Variants in RNGTT observed in about 807,000 individuals in gnomAD.
RNGTT encodes the protein RNA guanylyltransferase and 5'-phosphatase, also known as mRNA-capping enzyme.
RNGTT carries 33 observed loss-of-function variants against 79.3 expected under a neutral mutation model. That is an observed-to-expected ratio of 0.42 (90% CI 0.32 to 0.56). The LOEUF is 0.56. RNGTT is among the 20% of genes least tolerant of loss of function. The pLI is 0.17. For synonymous variants in RNGTT, 222 were observed against 235.9 expected, an observed-to-expected ratio of 0.94 and a Z score of 0.54; for missense variants, 497 against 739.1, an observed-to-expected ratio of 0.67 and a Z score of 3.80.
At chr6:88,627,816 G>T (rs896692846) in intron 14 of RNGTT, among the ~76,000 whole-genome samples, 1 of 152,060 alleles carries the variant, frequency 6.6e-6, no homozygotes, top group Non-Finnish European at 1.5e-5. Context: ...TTCTCGTGGT[G>T]ATCTGGACTC....
intron 9 of RNGTT, among the ~76,000 whole-genome samples, chr6:88,852,474 A>G (rs1222984933): frequency 6.6e-6 from 1 of 152,116 alleles, no homozygotes; most frequent in African/African-American, 2.4e-5. Flanking sequence ...AATGACTATG[A>G]CTTTTATGTA....
chr6:88,694,096 G>A (rs954103741), intron 13 of RNGTT, among the ~76,000 whole-genome samples: 2 of 152,142 alleles, frequency 1.3e-5, no homozygotes, highest in Non-Finnish European at 2.9e-5. Flanking sequence ...GGAAGTCCTT[G>A]CTGGAGCAAG....
intron 12 of RNGTT, among the ~76,000 whole-genome samples, chr6:88,798,186 C>T (rs2180194): frequency 0.13 from 19,511 of 151,874 alleles, 1,429 homozygotes; most frequent in Middle Eastern, 0.23. Context: ...AAAAATTGGC[C>T]GGGTACAGTG....
intron 1 of RNGTT, among the ~76,000 whole-genome samples, chr6:88,950,942 T>C (rs1785225519): frequency 6.6e-6 from 1 of 151,614 alleles, no homozygotes; most frequent in South Asian, 2.1e-4. Context: ...CACTGCAATC[T>C]CCATCTCCCG....
chr6:88,878,411 A>C (rs1782589238), intron 8 of RNGTT, among the ~76,000 whole-genome samples: 1 of 152,002 alleles, frequency 6.6e-6, no homozygotes, highest in Admixed American at 6.6e-5. Flanking sequence ...CCTAATTATA[A>C]AAGCCCAAGT....
rs1782280235 is a variant in RNGTT, at chr6:88,869,241, A to G, written c.897-15477T>C. On this transcript the variant is annotated intron_variant, in intron 8 of 15. Coordinates refer to ENST00000369485, the MANE Select transcript of RNGTT (RefSeq NM_003800.5). The stretch of plus-strand genomic sequence containing the variant: ...AAACATAAAATTAGATCAAGTTAGG[A>G]AAAATTTTAAAGCTCACTGTCATGC... Among the ~76,000 whole-genome samples the G allele has an allele frequency of 2.0e-5, 3 of 152,348 alleles. No homozygotes were observed. The South Asian group carries it at 6.2e-4, about 32-fold the overall frequency.
intron 4 of RNGTT, among the ~76,000 whole-genome samples, chr6:88,921,601 T>A (rs1050246043): frequency 2.0e-5 from 3 of 152,174 alleles, no homozygotes. Flanking sequence ...TCTCAAATTT[T>A]TTTTTTATTA....
chr6:88,644,686 G>C (rs1184110286), intron 14 of RNGTT, among the ~76,000 whole-genome samples: 1 of 152,194 alleles, frequency 6.6e-6, no homozygotes, highest in Non-Finnish European at 1.5e-5. Context: ...TGGGATGCAA[G>C]GCTGGTTCAA....
intron 8 of RNGTT, among the ~76,000 whole-genome samples, chr6:88,873,627 A>G (rs1266899647): frequency 6.6e-6 from 1 of 152,150 alleles, no homozygotes; most frequent in African/African-American, 2.4e-5. Flanking sequence ...GTAAGCAGCA[A>G]CCATCTCTAA....
At chr6:88,747,143 A>G (rs1264699103) in intron 13 of RNGTT, among the ~76,000 whole-genome samples, 2 of 152,236 alleles carry the variant, frequency 1.3e-5, no homozygotes, top group Non-Finnish European at 2.9e-5. Flanking sequence ...TTTGCCTGGC[A>G]AAATAGTAAT....
intron 11 of RNGTT, among the ~76,000 whole-genome samples, chr6:88,830,836 A>G (rs1407104109): frequency 3.3e-5 from 5 of 152,252 alleles, no homozygotes; most frequent in Admixed American, 1.3e-4. Flanking sequence ...TAGAAAATCT[A>G]GAAGAAATGG....
chr6:88,713,823 TG>T (rs1389647383), intron 13 of RNGTT, among the ~76,000 whole-genome samples: 2 of 152,226 alleles, frequency 1.3e-5, no homozygotes, highest in Non-Finnish European at 2.9e-5. Context: ...ACATTCTTGA[TG>T]CATCAGACTG....
At chr6:88,823,822 A>C (rs984968284) in intron 11 of RNGTT, among the ~76,000 whole-genome samples, 4 of 152,226 alleles carry the variant, frequency 2.6e-5, no homozygotes, top group Non-Finnish European at 5.9e-5. Flanking sequence ...GATCAGGCTA[A>C]CAAAAGAGTT....
chr6:88,723,811 G>A (rs954621044), intron 13 of RNGTT, among the ~76,000 whole-genome samples: 7 of 152,046 alleles, frequency 4.6e-5, no homozygotes, highest in African/African-American at 7.2e-5. Flanking sequence ...TGCAACCTCC[G>A]CCTCCCAGGT....
intron 13 of RNGTT, among the ~76,000 whole-genome samples, chr6:88,729,044 G>T (rs1461641786): frequency 1.3e-5 from 2 of 152,096 alleles, no homozygotes; most frequent in Non-Finnish European, 2.9e-5. Context: ...GGATTCTACC[G>T]CCTGGAGTAA....
At position 88,677,420 on chromosome 6, in the gene RNGTT, A is replaced by G. The variant is rs186239005; in HGVS notation, c.1506+933T>C. Among the ~76,000 whole-genome samples the G allele has an allele frequency of 9.7e-4, 147 of 152,258 alleles. 1 individual carries two copies. The highest frequency in any genetic ancestry group is 9.1e-3 in the Admixed American group (139 of 15,288). The stretch of plus-strand genomic sequence containing the variant: ...ACTACAAGCATGTCATAATTTATCA[A>G]ATTGTACAGTTTATTGTTCTTCAAT... On this transcript the variant is annotated intron_variant, in intron 14 of 15. Coordinates refer to ENST00000369485, the MANE Select transcript of RNGTT (RefSeq NM_003800.5).
intron 13 of RNGTT, among the ~76,000 whole-genome samples, chr6:88,690,851 T>C (rs1775452653): frequency 1.3e-5 from 2 of 152,176 alleles, no homozygotes; most frequent in Admixed American, 1.3e-4. Flanking sequence ...GCAATTCCAA[T>C]TTTGTGTGAA....
rs1166135719 is a variant in RNGTT, at chr6:88,698,163, A to C, written c.1440-19744T>G. ...TATATATATGAAATACATATGATATATATGACATATATATGATATATATAT... is the reference window on the plus strand; with the variant it reads ...TATATATATGAAATACATATGATATCTATGACATATATATGATATATATAT... On this transcript the variant is annotated intron_variant, in intron 13 of 15. Transcript: ENST00000369485. 3.4e-5 allele frequency among the ~76,000 whole-genome samples: 3 copies of C among 88,140 alleles called. 1 individual carries two copies. The East Asian group carries it at 7.2e-4, about 21-fold the overall frequency. The allele number at this position is 88,140 out of a possible 152,430, so 57.8% of individuals were successfully genotyped here.
At chr6:88,946,854 C>T (rs1441738327) in intron 1 of RNGTT, among the ~76,000 whole-genome samples, 4 of 140,048 alleles carry the variant, frequency 2.9e-5, no homozygotes, top group Middle Eastern at 3.5e-3. Context: ...CTGTGTTGGC[C>T]GGGCCGGTCT....
Sources: gnomAD v4.1 joint callset for allele counts (sites outside exome capture counted in the v4.1 genomes callset) on GRCh38, gnomAD v4.1.1 for gene constraint, MANE v1.5 for transcripts, NCBI Gene and HGNC (gene_info 2026-07-23, HGNC 2026-07-21) for gene names.